EYS: variants seen among roughly 807,000 people sequenced by gnomAD.
EYS encodes the protein EGF-like photoreceptor maintenance factor, also known as protein eyes shut homolog.
A neutral mutation model predicts 282.1 loss-of-function variants in EYS; 250 were observed. That is an observed-to-expected ratio of 0.89 (90% confidence interval 0.80 to 0.98). The LOEUF is 0.98. Among genes scored for constraint, EYS ranks in the 50% least tolerant of loss-of-function variants. EYS has a pLI of 0.00. For missense variants in EYS, 4,016 were observed against 3,709.0 expected (o/e 1.08, Z -2.15); for synonymous variants, 1,355 against 1,282.9 (o/e 1.06, Z -1.20).
chr6:64,771,756 A>G (rs1187195230), intron 22 of EYS, among the ~76,000 whole-genome samples: 1 of 151,764 alleles, frequency 6.6e-6, no homozygotes, highest in Non-Finnish European at 1.5e-5. Context: ...TTTATTGATT[A>G]TCTTGTGCTT....
At chr6:64,415,674 T>C (rs16895190) in intron 28 of EYS, among the ~76,000 whole-genome samples, 38,313 of 152,054 alleles carry the variant, frequency 0.25, 4,940 homozygotes, top group East Asian at 0.46. Context: ...CTGCAAAGTG[T>C]GGGATTTTTT....
intron 12 of EYS, among the ~76,000 whole-genome samples, chr6:65,119,969 C>A (rs530337719): frequency 5.3e-5 from 8 of 151,428 alleles, no homozygotes; most frequent in South Asian, 2.1e-4. Context: ...AACCTACCCC[C>A]CCTCCCCGTC....
intron 31 of EYS, among the ~76,000 whole-genome samples, chr6:64,181,230 C>T (rs4355589): frequency 0.31 from 46,646 of 151,950 alleles, 7,229 homozygotes; most frequent in East Asian, 0.5. Flanking sequence ...ACATCCTCCA[C>T]TGGACATTAA....
At chr6:65,239,680 A>G (rs1409737667) in intron 12 of EYS, among the ~76,000 whole-genome samples, 1 of 152,128 alleles carries the variant, frequency 6.6e-6, no homozygotes, top group Non-Finnish European at 1.5e-5. Flanking sequence ...GTGCAACAAG[A>G]GTTGATATTA....
intron 14 of EYS, among the ~76,000 whole-genome samples, chr6:64,990,229 C>T (rs1301778350): frequency 1.3e-5 from 2 of 151,290 alleles, no homozygotes; most frequent in African/African-American, 4.8e-5. Flanking sequence ...TCTATGAACC[C>T]CTTAAATGCA....
rs1582347639 is a variant in EYS, at chr6:64,151,361, AT to A, written c.6425-69360del. ...TATATATATATATATATATATATAT[AT>A]AATTTTTTTTTTCTTTTGAGATGGA... On this transcript the variant is annotated intron_variant, in intron 31 of 42. Transcript: ENST00000503581. Among the ~76,000 whole-genome samples the A allele has an allele frequency of 8.2e-5, 7 of 85,034 alleles. No homozygotes were observed. In the East Asian group the frequency reaches 1.3e-3, roughly 15 times the overall value. The allele number at this position is 85,034 out of a possible 152,430, so 55.8% of individuals were successfully genotyped here. A position where few individuals can be genotyped will look rare whatever the true frequency, so the allele number is the denominator to read the frequency against.
intron 5 of EYS, among the ~76,000 whole-genome samples, chr6:65,430,472 G>A (rs972255203): frequency 2.9e-4 from 44 of 152,106 alleles, no homozygotes; most frequent in Admixed American, 2.6e-3. Flanking sequence ...TAAGTTTCTA[G>A]GCCATAGGGA....
At chr6:65,135,115 CT>C (rs1351036695) in intron 12 of EYS, among the ~76,000 whole-genome samples, 6 of 151,890 alleles carry the variant, frequency 4.0e-5, no homozygotes, top group Admixed American at 1.3e-4. Flanking sequence ...CTATTGATGT[CT>C]TATTTTGGAA....
intron 12 of EYS, among the ~76,000 whole-genome samples, chr6:65,292,540 G>T (rs1275888031): frequency 2.0e-5 from 3 of 151,714 alleles, no homozygotes; most frequent in Non-Finnish European, 3.0e-5. Context: ...AAGTACGAAG[G>T]CACCTAGAAG....
At chr6:65,408,661 C>T (rs1766856832) in intron 5 of EYS, among the ~76,000 whole-genome samples, 1 of 151,888 alleles carries the variant, frequency 6.6e-6, no homozygotes, top group African/African-American at 2.4e-5. Flanking sequence ...TTTCGTTTTC[C>T]TCAAAAATCA....
At chr6:64,613,845 G>T (rs973043018) in intron 24 of EYS, among the ~76,000 whole-genome samples, 5 of 152,228 alleles carry the variant, frequency 3.3e-5, no homozygotes, top group Non-Finnish European at 7.4e-5. Flanking sequence ...GGAGAGGAGA[G>T]AATAGCCATT....
At chr6:63,944,814 A>G (rs1427804890) in intron 35 of EYS, among the ~76,000 whole-genome samples, 2 of 152,130 alleles carry the variant, frequency 1.3e-5, no homozygotes, top group Non-Finnish European at 2.9e-5. Flanking sequence ...CACACCTGTA[A>G]TTCCAGCTAC....
In EYS at chr6:64,897,139, C is replaced by T. The variant is rs180714231; in HGVS notation, c.2846+4974G>A. 1.6e-3 allele frequency among the ~76,000 whole-genome samples: 243 copies of T among 152,240 alleles called. 1 individual carries two copies. Among genetic ancestry groups the T allele is most frequent in the African/African-American group, 5.6e-3 (234 of 41,566 alleles). On this transcript the variant is annotated intron_variant, in intron 18 of 42. Transcript: ENST00000503581. ...CAGACTGCCTCAAGTGGGTCCAGGGCTCCCATATCTCCTGACTGGGAGACA... is the reference window on the plus strand; with the variant it reads ...CAGACTGCCTCAAGTGGGTCCAGGGTTCCCATATCTCCTGACTGGGAGACA...
At chr6:65,243,007 T>C (rs1767092510) in intron 12 of EYS, among the ~76,000 whole-genome samples, 1 of 152,220 alleles carries the variant, frequency 6.6e-6, no homozygotes, top group Admixed American at 6.5e-5. Flanking sequence ...TTATAAATTC[T>C]GGCTAAAAGT....
At chr6:64,454,292 G>C (rs769632257) in intron 26 of EYS, among the ~76,000 whole-genome samples, 1 of 152,060 alleles carries the variant, frequency 6.6e-6, no homozygotes, top group South Asian at 2.1e-4. Context: ...GTTTTTTGAT[G>C]AGATTTTGTA....
intron 30 of EYS, among the ~76,000 whole-genome samples, chr6:64,297,146 A>G (rs925645422): frequency 1.3e-4 from 20 of 152,152 alleles, no homozygotes; most frequent in South Asian, 6.2e-4. Flanking sequence ...TCTTCTTCAC[A>G]TATTAGACAT....
chr6:65,609,619 TATA>T (rs1765923440), intron 2 of EYS, among the ~76,000 whole-genome samples: 1 of 152,118 alleles, frequency 6.6e-6, no homozygotes, highest in Admixed American at 6.6e-5. Flanking sequence ...GGCAGTGTAT[TATA>T]ATATCATATT....
At chr6:65,129,715 G>T (rs1033026902) in intron 12 of EYS, among the ~76,000 whole-genome samples, 6 of 151,858 alleles carry the variant, frequency 4.0e-5, no homozygotes, top group African/African-American at 1.4e-4. Context: ...ATAGTTGGTG[G>T]TAATGTAAAT....
chr6:64,393,370 C>A (rs1420754461), intron 28 of EYS, among the ~76,000 whole-genome samples: 1 of 152,076 alleles, frequency 6.6e-6, no homozygotes, highest in East Asian at 1.9e-4. Flanking sequence ...AACATTGATG[C>A]AAAAAACCTC....
Sources: allele counts gnomAD v4.1 joint callset (sites outside exome capture counted in the v4.1 genomes callset), GRCh38; gene constraint gnomAD v4.1.1; transcripts MANE v1.5; gene names NCBI Gene and HGNC (gene_info 2026-07-23, HGNC 2026-07-21).